MCPH1: variants seen among roughly 807,000 people sequenced by gnomAD.
MCPH1 encodes microcephalin.
Under a neutral mutation model 84.5 loss-of-function variants are expected in MCPH1, and 104 were observed. The ratio of observed to expected loss-of-function variants is 1.23; its 90% confidence interval spans 1.05 to 1.45. The LOEUF (loss-of-function observed/expected upper bound fraction) is 1.45, where lower values mean the gene tolerates loss of function less well. Among genes scored for constraint, MCPH1 ranks in the 40% most tolerant of loss-of-function variants. The probability of loss-of-function intolerance (pLI) is 0.00; values close to 1 mark genes in which losing one functional copy is unlikely to be tolerated. For synonymous variants in MCPH1, 514 were observed against 366.8 expected, an observed-to-expected ratio of 1.40 and a Z score of -4.58; for missense variants, 1,498 against 1,005.7, an observed-to-expected ratio of 1.49 and a Z score of -6.62.
intron 8 of MCPH1, chr8:6,447,544 T>C (rs1286631064): frequency 1.8e-6 from 1 of 570,916 alleles, no homozygotes; most frequent in Admixed American, 6.3e-5. Flanking sequence ...TGGTTTTGTT[T>C]TGTTTTGTTT....
chr8:6,451,409 T>G (rs1221135999), intron 8 of MCPH1, among the ~76,000 whole-genome samples: 1 of 152,204 alleles, frequency 6.6e-6, no homozygotes, highest in East Asian at 1.9e-4. Flanking sequence ...AGAACTTAGC[T>G]AAGTAGGGAA....
intron 12 of MCPH1, among the ~76,000 whole-genome samples, chr8:6,528,673 G>A (rs1468496430): frequency 6.6e-6 from 1 of 152,264 alleles, no homozygotes; most frequent in East Asian, 1.9e-4. Flanking sequence ...CCTTCAGCAG[G>A]AAGAATCGAC....
At chr8:6,435,150 G>A (rs1802461923) in intron 4 of MCPH1, among the ~76,000 whole-genome samples, 1 of 152,142 alleles carries the variant, frequency 6.6e-6, no homozygotes, top group Non-Finnish European at 1.5e-5. Context: ...TGGAGTTACT[G>A]TGATTTAATG....
chr8:6,598,445 A>G (rs1430592867), intron 12 of MCPH1, among the ~76,000 whole-genome samples: 1 of 152,074 alleles, frequency 6.6e-6, no homozygotes, highest in African/African-American at 2.4e-5. Flanking sequence ...AGGGGAGAAG[A>G]AGGGGATGGG....
At chr8:6,486,052 G>A (rs529158204) in intron 11 of MCPH1, among the ~76,000 whole-genome samples, 1 of 152,176 alleles carries the variant, frequency 6.6e-6, no homozygotes, top group South Asian at 2.1e-4. Flanking sequence ...AAATTGAATA[G>A]TACAAACATA....
intron 12 of MCPH1, among the ~76,000 whole-genome samples, chr8:6,517,853 A>T (rs963066084): frequency 2.0e-5 from 3 of 152,212 alleles, no homozygotes; most frequent in African/African-American, 7.2e-5. Context: ...ACAGAGTCTT[A>T]AGTCTGGAAG....
chr8:6,600,885 A>T (rs1298423581), intron 12 of MCPH1, among the ~76,000 whole-genome samples: 1 of 152,196 alleles, frequency 6.6e-6, no homozygotes, highest in Admixed American at 6.5e-5. Context: ...TACTGGACAG[A>T]CATCTCACCC....
rs201246476 is a variant in MCPH1, at chr8:6,495,096, C to CTTTGG, written c.2137-4756_2137-4755insTTTGG. Reference sequence around the variant, plus strand: ...TTATTGGCTTGAAATTTTGCCAGTTCAAGCTGGTCTCTTTGGAAGACTAGA... The same window carrying CTTTGG: ...TTATTGGCTTGAAATTTTGCCAGTTCTTTGGAAGCTGGTCTCTTTGGAAGACTAGA... On this transcript the variant is annotated intron_variant, in intron 11 of 13. Coordinates refer to ENST00000344683, the MANE Select transcript of MCPH1 (RefSeq NM_024596.5). Among the ~76,000 whole-genome samples, 1,013 of 152,274 alleles carry CTTTGG rather than the reference C, an allele frequency of 6.7e-3. 16 individuals carry two copies. The highest frequency in any genetic ancestry group is 0.024 in the African/African-American group (977 of 41,558).
intron 9 of MCPH1, among the ~76,000 whole-genome samples, chr8:6,456,863 T>C (rs1290454642): frequency 6.6e-6 from 1 of 152,160 alleles, no homozygotes; most frequent in Non-Finnish European, 1.5e-5. Context: ...GTGGAAGCAC[T>C]GGGTTAGGGA....
In MCPH1 at chr8:6,406,683, C is replaced by T. The variant is rs1207372219; in HGVS notation, c.16C>T (p.Leu6=). Residue 6 remains leucine (L), a synonymous_variant, in exon 1 of 14, where the codon CTG becomes TTG. Coordinates refer to ENST00000344683, the MANE Select transcript of MCPH1 (RefSeq NM_024596.5). The part of the protein sequence containing the change: MAAPI[L]KDVVAYVEVW... ...GCCGTCTGTCATGGCGGCCCCCATC[C>T]TGAAAGGTGAGGTACTTCCTGCTGC... 5 of 1,612,064 alleles carry T rather than the reference C, an allele frequency of 3.1e-6. No individual in the cohort carries two copies. The Admixed American group carries it at 5.0e-5, about 16-fold the overall frequency.
chr8:6,525,604 A>T (rs549433280), intron 12 of MCPH1, among the ~76,000 whole-genome samples: 1 of 152,372 alleles, frequency 6.6e-6, no homozygotes, highest in South Asian at 2.1e-4. Context: ...GGTTTGTCCA[A>T]TGTGAAACAC....
intron 2 of MCPH1, among the ~76,000 whole-genome samples, chr8:6,413,841 A>G (rs1156416314): frequency 6.7e-6 from 1 of 148,456 alleles, no homozygotes; most frequent in Non-Finnish European, 1.5e-5. Context: ...TGTAACCGCC[A>G]CCTCCCGGGT....
intron 11 of MCPH1, among the ~76,000 whole-genome samples, chr8:6,490,108 G>A (rs1291513325): frequency 2.0e-5 from 3 of 151,852 alleles, no homozygotes; most frequent in African/African-American, 4.8e-5. Flanking sequence ...CCTCCAGGAC[G>A]TCAACTTGGT....
In MCPH1 at chr8:6,472,938, A is replaced by G. The variant is rs73518770; in HGVS notation, c.1936-4656A>G. Among the ~76,000 whole-genome samples the G allele has an allele frequency of 8.7e-3, 1,323 of 152,336 alleles. 25 individuals are homozygous for G. Among genetic ancestry groups the G allele is most frequent in the African/African-American group, 0.03 (1,233 of 41,564 alleles). On this transcript the variant is annotated intron_variant, in intron 9 of 13. Transcript: ENST00000344683. ...GTGACTGTAAAAGGTTTTAAAAGTA[A>G]ACAGAGAGGTAACATGATTGTAAAG...
At chr8:6,436,763 A>G (rs1802700841) in intron 5 of MCPH1, among the ~76,000 whole-genome samples, 1 of 151,668 alleles carries the variant, frequency 6.6e-6, no homozygotes, top group South Asian at 2.1e-4. Context: ...AGGTCAGGAG[A>G]TAGAGACCAT....
chr8:6,427,394 C>G (rs1036332428), intron 3 of MCPH1, among the ~76,000 whole-genome samples: 1 of 152,042 alleles, frequency 6.6e-6, no homozygotes, highest in African/African-American at 2.4e-5. Flanking sequence ...TTTTTAAAGA[C>G]AAGGTCTTGC....
chr8:6,510,639 C>G (rs542704139), intron 12 of MCPH1, among the ~76,000 whole-genome samples: 2 of 152,102 alleles, frequency 1.3e-5, no homozygotes, highest in Non-Finnish European at 2.9e-5. Flanking sequence ...TAAACTTGTC[C>G]GAGGTCAGAC....
At chr8:6,431,467 A>G in intron 3 of MCPH1, 32 bp from the exon 4 acceptor site, 1 of 1,523,582 alleles carries the variant, frequency 6.6e-7, no homozygotes, top group Non-Finnish European at 9.1e-7. Context: ...AGAAGCAAAT[A>G]CTCATTAGAC....
At chr8:6,525,369 A>G (rs1818146694) in intron 12 of MCPH1, among the ~76,000 whole-genome samples, 1 of 152,166 alleles carries the variant, frequency 6.6e-6, no homozygotes, top group South Asian at 2.1e-4. Context: ...AGGAGGGATT[A>G]CAGGTGTGTG....
Sources: gnomAD v4.1 joint callset for allele counts (sites outside exome capture counted in the v4.1 genomes callset) on GRCh38, gnomAD v4.1.1 for gene constraint, MANE v1.5 for transcripts, NCBI Gene and HGNC (gene_info 2026-07-23, HGNC 2026-07-21) for gene names.